The following ACBD7 variants were observed in gnomAD, a reference collection of about 807,000 sequenced individuals.
The protein encoded by ACBD7 is acyl-CoA binding domain containing 7.
A neutral mutation model predicts 13.7 loss-of-function variants in ACBD7; 11 were observed. The ratio of observed to expected loss-of-function variants is 0.80; its 90% CI spans 0.50 to 1.33. ACBD7 has a LOEUF of 1.33. Ranked by LOEUF, ACBD7 falls within the 40% of genes most tolerant of loss-of-function variation. The pLI, the probability that ACBD7 is intolerant of heterozygous loss-of-function variation, is 0.00. For missense variants in ACBD7, 111 were observed against 103.0 expected (o/e 1.08, Z -0.33); for synonymous variants, 43 against 37.7 (o/e 1.14, Z -0.51).
Position 15,078,907 on chromosome 10 carries a change from T to G in ACBD7, c.130+16A>C. On this transcript the variant is annotated intron_variant, in intron 2 of 3. Coordinates refer to ENST00000356189, the MANE Select transcript of ACBD7 (RefSeq NM_001039844.3). Reference sequence around the variant, plus strand: ...TTGTAACATATGAATATATTAATATTAATAATATATAATACCAATATTAAT... The same window carrying G: ...TTGTAACATATGAATATATTAATATGAATAATATATAATACCAATATTAAT... The G allele has an allele frequency of 3.9e-6, 5 of 1,281,866 alleles. No individual in the cohort carries two copies. The highest frequency in any genetic ancestry group is 5.1e-6 in the Non-Finnish European group (5 of 971,478). The allele number at this position is 1,281,866 out of a possible 1,614,324, so 79.4% of individuals were successfully genotyped here.
At chr10:15,084,444 T>C (rs929331553) in intron 1 of ACBD7, among the ~76,000 whole-genome samples, 1 of 152,166 alleles carries the variant, frequency 6.6e-6, no homozygotes, top group African/African-American at 2.4e-5. Context: ...GCCCAAGTTC[T>C]TGGCATTTTG....
intron 1 of ACBD7, among the ~76,000 whole-genome samples, chr10:15,086,644 G>A (rs1425992753): frequency 6.6e-6 from 1 of 152,252 alleles, no homozygotes; most frequent in Non-Finnish European, 1.5e-5. Context: ...GGGAGGCCAA[G>A]GCGGGTGGAT....
chr10:15,085,738 G>C (rs1844801168), intron 1 of ACBD7, among the ~76,000 whole-genome samples: 1 of 152,196 alleles, frequency 6.6e-6, no homozygotes, highest in Admixed American at 6.5e-5. Flanking sequence ...TGGTGAGGAT[G>C]GAAACATATT....
At position 15,077,290 on chromosome 10, in the gene ACBD7, C is replaced by T. The variant is rs1041480165; in HGVS notation, c.*1240G>A. Among the ~76,000 whole-genome samples, 1 of 151,664 alleles carries T rather than the reference C, an allele frequency of 6.6e-6. No homozygotes were observed. Among genetic ancestry groups the T allele is most frequent in the Non-Finnish European group, 1.5e-5 (1 of 67,974 alleles). ...AATGAAATTACGGCTTTTGCAGCAA[C>T]GTGGGTGGAACTGGAGGCTATTATC... On this transcript the variant is annotated 3_prime_UTR_variant, in exon 4 of 4. Coordinates refer to ENST00000356189, the MANE Select transcript of ACBD7 (RefSeq NM_001039844.3).
intron 1 of ACBD7, among the ~76,000 whole-genome samples, chr10:15,081,746 T>C (rs1311163339): frequency 1.3e-5 from 2 of 152,204 alleles, no homozygotes; most frequent in African/African-American, 2.4e-5. Flanking sequence ...AACAGTTGTT[T>C]TGTGAAGAGC....
chr10:15,084,058 C>T (rs964725308), intron 1 of ACBD7, among the ~76,000 whole-genome samples: 1 of 152,106 alleles, frequency 6.6e-6, no homozygotes, highest in Non-Finnish European at 1.5e-5. Context: ...AGGTACGGAA[C>T]GGAAAAAGCC....
intron 1 of ACBD7, among the ~76,000 whole-genome samples, chr10:15,080,249 G>C (rs11259465): frequency 4.6e-4 from 70 of 152,248 alleles, no homozygotes; most frequent in Middle Eastern, 3.4e-3. Context: ...CAATATGCTT[G>C]AGTGGTATGT....
intron 1 of ACBD7, among the ~76,000 whole-genome samples, chr10:15,083,367 G>A (rs1177952217): frequency 6.6e-6 from 1 of 152,222 alleles, no homozygotes; most frequent in Non-Finnish European, 1.5e-5. Flanking sequence ...TTGACTTCCA[G>A]CTTTGAGACA....
intron 3 of ACBD7, 28 bp from the exon 4 acceptor site, chr10:15,078,631 C>T (rs1844711343): frequency 5.0e-6 from 8 of 1,614,046 alleles, no homozygotes; most frequent in Non-Finnish European, 5.9e-6. Context: ...GGTTATCTCC[C>T]TGATTGGTGC....
At chr10:15,079,744 A>G (rs765467635) in intron 1 of ACBD7, among the ~76,000 whole-genome samples, 1 of 151,518 alleles carries the variant, frequency 6.6e-6, no homozygotes, top group Non-Finnish European at 1.5e-5. Context: ...GCGCCTGGCT[A>G]AGTTTTGTAT....
rs527835012 is a variant in ACBD7 at position 15,078,704 on chromosome 10, C to T, written c.180G>A (p.Trp60Ter). Residue 60 changes from tryptophan (W) to a stop codon, truncating the protein, a stop_gained, in exon 3 of 4, where the codon TGG becomes TGA. Coordinates refer to ENST00000356189, the MANE Select transcript of ACBD7 (RefSeq NM_001039844.3). LOFTEE classifies it high-confidence loss of function. ...DLKGKAKWEA[W>*]NLKKGLSTED... is the part of the protein sequence containing the mutation. ...AGACTAAAAAACCTTTTTTGAGGTT[C>T]CATGCTTCCCATTTGGCTTTGCCTT... The T allele has an allele frequency of 6.2e-7, 1 of 1,613,868 alleles. No individual in the cohort carries two copies. The highest frequency in any genetic ancestry group is 1.3e-5 in the African/African-American group (1 of 74,864).
chr10:15,082,847 G>A (rs1225953882), intron 1 of ACBD7, among the ~76,000 whole-genome samples: 1 of 152,012 alleles, frequency 6.6e-6, no homozygotes, highest in East Asian at 1.9e-4. Context: ...GACCAGCCTG[G>A]CCAAAATGGT....
At chr10:15,085,112 G>C (rs1738252695) in intron 1 of ACBD7, among the ~76,000 whole-genome samples, 2 of 152,314 alleles carry the variant, frequency 1.3e-5, no homozygotes, top group South Asian at 2.1e-4. Flanking sequence ...TTTCTCCTGA[G>C]CGAGGGGTCC....
chr10:15,088,032 G>C (rs1255194031), intron 1 of ACBD7, among the ~76,000 whole-genome samples: 1 of 152,092 alleles, frequency 6.6e-6, no homozygotes, highest in East Asian at 1.9e-4. Flanking sequence ...TTACATTTTA[G>C]AATATTTAAT....
In ACBD7 at chr10:15,078,490, T is replaced by C. The variant is rs368846579; in HGVS notation, c.*40A>G. 1.5e-4 allele frequency: 249 copies of C among 1,612,916 alleles called. 1 individual carries two copies. The highest frequency in any genetic ancestry group is 7.4e-4 in the Middle Eastern group (4 of 5,400). On this transcript the variant is annotated 3_prime_UTR_variant, in exon 4 of 4. Coordinates refer to ENST00000356189, the MANE Select transcript of ACBD7 (RefSeq NM_001039844.3). ...CTAAATGTTAGGTCATGATAGCATTTGGAAGTCTTCAAAAGGAAAAATTCC... is the reference window on the plus strand; with the variant it reads ...CTAAATGTTAGGTCATGATAGCATTCGGAAGTCTTCAAAAGGAAAAATTCC...
At chr10:15,088,581 G>C in intron 1 of ACBD7, 136 bp downstream of exon 1, 1 of 1,236,982 alleles carries the variant, frequency 8.1e-7, no homozygotes, top group Non-Finnish European at 1.1e-6. Flanking sequence ...GCCATCTGGG[G>C]CGCTGGGGAA....
chr10:15,076,248 C>A lies in ACBD7; in HGVS notation c.*2282G>T, dbSNP rs1054270741. 4.1e-6 allele frequency: 4 copies of A among 985,260 alleles called. No individual in the cohort carries two copies. In the African/African-American group the frequency reaches 7.0e-5, roughly 17 times the overall value. The allele number at this position is 985,260 out of a possible 1,614,324, so 61.0% of individuals were successfully genotyped here. A position where few individuals can be genotyped will look rare whatever the true frequency, so the allele number is the denominator to read the frequency against. On this transcript the variant is annotated 3_prime_UTR_variant, in exon 4 of 4. Transcript: ENST00000356189. Reference sequence around the variant, plus strand: ...CTCAAACAATTTTTTGAATTGTTAACATGAGACTGTCTTCTTTCAAAGAGC... The same window carrying A: ...CTCAAACAATTTTTTGAATTGTTAAAATGAGACTGTCTTCTTTCAAAGAGC...
In ACBD7 at chr10:15,076,446, T is replaced by C. The variant is rs1028547092; in HGVS notation, c.*2084A>G. 2.1e-6 allele frequency: 2 copies of C among 968,840 alleles called. No individual in the cohort carries two copies. The highest frequency in any genetic ancestry group is 1.8e-5 in the African/African-American group (1 of 56,910). 60.0% of individuals were successfully genotyped at this position (968,840 alleles called of 1,614,324 possible). ...TTAAATGTAAAAATTTAAAGAAAAA[T>C]AGATATTCCTATGGGGGCTTTTTAA... On this transcript the variant is annotated 3_prime_UTR_variant, in exon 4 of 4. Transcript: ENST00000356189.
chr10:15,081,151 C>T (rs1844744491), intron 1 of ACBD7, among the ~76,000 whole-genome samples: 1 of 152,128 alleles, frequency 6.6e-6, no homozygotes, highest in Non-Finnish European at 1.5e-5. Flanking sequence ...CCATAACAAC[C>T]GTTTCAGCAC....
Sources: allele counts gnomAD v4.1 joint callset (sites outside exome capture counted in the v4.1 genomes callset), GRCh38; gene constraint gnomAD v4.1.1; transcripts MANE v1.5; gene names NCBI Gene and HGNC (gene_info 2026-07-23, HGNC 2026-07-21).